DDHD1: variants seen among roughly 807,000 people sequenced by gnomAD.
DDHD1 encodes the protein DDHD domain containing 1.
Under a neutral mutation model 96.4 loss-of-function variants are expected in DDHD1, and 49 were observed. The ratio of observed to expected loss-of-function variants is 0.51; its 90% CI spans 0.40 to 0.64. The LOEUF is 0.64. DDHD1 is among the 30% of genes least tolerant of loss of function. DDHD1 has a pLI of 0.00. For synonymous variants in DDHD1, 442 were observed against 446.5 expected, an observed-to-expected ratio of 0.99 and a Z score of 0.13; for missense variants, 1,106 against 1,161.2, an observed-to-expected ratio of 0.95 and a Z score of 0.69.
intron 1 of DDHD1, among the ~76,000 whole-genome samples, chr14:53,117,045 A>T (rs1273498644): frequency 6.6e-6 from 1 of 152,220 alleles, no homozygotes; most frequent in Non-Finnish European, 1.5e-5. Flanking sequence ...AGAGAGAAGA[A>T]TCAAATAGGC....
chr14:53,089,328 T>G (rs915753809), intron 4 of DDHD1, among the ~76,000 whole-genome samples: 1 of 152,140 alleles, frequency 6.6e-6, no homozygotes, highest in Non-Finnish European at 1.5e-5. Flanking sequence ...AAAGTTCATA[T>G]GGAACCAAAA....
chr14:53,052,933 A>T (rs1218182967), intron 11 of DDHD1: 1 of 151,532 alleles, frequency 6.6e-6, no homozygotes, highest in Non-Finnish European at 1.5e-5. Context: ...CTGGAAGAAA[A>T]AACTGGGGGT....
intron 4 of DDHD1, among the ~76,000 whole-genome samples, chr14:53,090,675 G>C (rs1332015763): frequency 2.6e-5 from 4 of 152,142 alleles, no homozygotes; most frequent in Admixed American, 2.6e-4. Flanking sequence ...ACTGAACAAT[G>C]AGAACACTTG....
At chr14:53,059,735 G>A (rs1412703038) in intron 8 of DDHD1, among the ~76,000 whole-genome samples, 1 of 149,346 alleles carries the variant, frequency 6.7e-6, no homozygotes, top group Non-Finnish European at 1.5e-5. Context: ...GTGGTGGCGG[G>A]CACCTGTAAT....
chr14:53,150,519 C>T (rs919418862), intron 1 of DDHD1, among the ~76,000 whole-genome samples: 3 of 152,172 alleles, frequency 2.0e-5, no homozygotes, highest in Non-Finnish European at 4.4e-5. Flanking sequence ...TGAAGTACCA[C>T]GCAGGCATTA....
At chr14:53,057,969 C>T (rs1021867676) in intron 9 of DDHD1, among the ~76,000 whole-genome samples, 1 of 151,950 alleles carries the variant, frequency 6.6e-6, no homozygotes, top group African/African-American at 2.4e-5. Context: ...ATTGCCTCAG[C>T]CTCCCGAGTA....
At chr14:53,134,859 A>AT (rs1890116928) in intron 1 of DDHD1, among the ~76,000 whole-genome samples, 1 of 151,274 alleles carries the variant, frequency 6.6e-6, no homozygotes, top group African/African-American at 2.5e-5. Flanking sequence ...CTCAATTCAT[A>AT]CAAAACTGCA....
At chr14:53,072,831 G>A in intron 5 of DDHD1, 128 bp from the exon 6 acceptor site, 1 of 489,774 alleles carries the variant, frequency 2.0e-6, no homozygotes, top group Non-Finnish European at 3.6e-6. Context: ...TTCAAGACCA[G>A]CTTTGGCTCT....
chr14:53,087,784 T>G (rs1886102006), intron 4 of DDHD1, among the ~76,000 whole-genome samples: 1 of 152,160 alleles, frequency 6.6e-6, no homozygotes, highest in African/African-American at 2.4e-5. Context: ...ATTCAAAATA[T>G]AGCAGAAGGC....
At chr14:53,150,780 C>A (rs1011203678) in intron 1 of DDHD1, among the ~76,000 whole-genome samples, 1 of 152,124 alleles carries the variant, frequency 6.6e-6, no homozygotes, top group Admixed American at 6.5e-5. Flanking sequence ...TCCTTTTCCC[C>A]ATCTTTCTTA....
At chr14:53,126,005 T>C (rs1360203217) in intron 1 of DDHD1, among the ~76,000 whole-genome samples, 1 of 152,114 alleles carries the variant, frequency 6.6e-6, no homozygotes, top group African/African-American at 2.4e-5. Context: ...CCAGCAAAGA[T>C]GGATTTTTTA....
chr14:53,082,065 T>C (rs908544630), intron 4 of DDHD1, among the ~76,000 whole-genome samples: 9 of 152,152 alleles, frequency 5.9e-5, no homozygotes, highest in African/African-American at 1.9e-4. Flanking sequence ...CAATGGGAGA[T>C]AGAGAAAATG....
chr14:53,152,515 C>G lies in DDHD1; in HGVS notation c.584G>C (p.Arg195Pro). 6.2e-7 allele frequency: 1 copy of G among 1,613,284 alleles called. No homozygotes were observed. Among genetic ancestry groups the G allele is most frequent in the Non-Finnish European group, 8.5e-7 (1 of 1,179,860 alleles). Residue 195 changes from arginine to proline, a missense_variant, in exon 1 of 13, where the codon CGG becomes CCG. By Grantham distance (103) the Arg-to-Pro change is moderately radical. Coordinates refer to ENST00000673822, the MANE Select transcript of DDHD1 (RefSeq NM_001160148.2). ...YDSLRIELAF[R>P]TLLQTTGARP... Reference sequence around the variant, plus strand: ...GGCACCCGTGGTCTGCAGCAGGGTCCGGAAGGCGAGCTCGATGCGGAGCGA... The same window carrying G: ...GGCACCCGTGGTCTGCAGCAGGGTCGGGAAGGCGAGCTCGATGCGGAGCGA...
intron 10 of DDHD1, 70 bp from the exon 11 acceptor site, chr14:53,054,699 A>G: frequency 1.3e-6 from 2 of 1,482,928 alleles, no homozygotes; most frequent in Non-Finnish European, 9.2e-7. Flanking sequence ...AGCACCACCC[A>G]TAATTATAGC....
At chr14:53,125,070 T>C (rs1295059930) in intron 1 of DDHD1, among the ~76,000 whole-genome samples, 1 of 152,206 alleles carries the variant, frequency 6.6e-6, no homozygotes, top group Non-Finnish European at 1.5e-5. Flanking sequence ...GTTTAGGACC[T>C]ACCCTAAATG....
chr14:53,078,316 G>A (rs1885143794), intron 4 of DDHD1, among the ~76,000 whole-genome samples: 1 of 152,124 alleles, frequency 6.6e-6, no homozygotes, highest in African/African-American at 2.4e-5. Flanking sequence ...AGTTATCCTA[G>A]TGGGTATAAA....
At chr14:53,133,027 T>A (rs552349800) in intron 1 of DDHD1, among the ~76,000 whole-genome samples, 77 of 152,344 alleles carry the variant, frequency 5.1e-4, no homozygotes, top group African/African-American at 1.8e-3. Flanking sequence ...CATTCTATTC[T>A]GTCATCATTT....
rs531725727 is a variant in DDHD1 at position 53,066,308 on chromosome 14, C to T, written c.1504-3103G>A. Reference sequence around the variant, plus strand: ...CTGGGATTACAGGTGTGCACCACCACGCCTGGCTAATTTTTGAATTTTTAG... The same window carrying T: ...CTGGGATTACAGGTGTGCACCACCATGCCTGGCTAATTTTTGAATTTTTAG... On this transcript the variant is annotated intron_variant, in intron 6 of 12. Transcript: ENST00000673822. Among the ~76,000 whole-genome samples, 118 of 152,158 alleles carry T rather than the reference C, an allele frequency of 7.8e-4. 2 individuals carry two copies. Among genetic ancestry groups the T allele is most frequent in the Non-Finnish European group, 1.4e-3 (94 of 67,988 alleles).
intron 9 of DDHD1, among the ~76,000 whole-genome samples, chr14:53,057,543 C>T (rs552951614): frequency 1.7e-4 from 26 of 152,312 alleles, no homozygotes; most frequent in Non-Finnish European, 3.2e-4. Flanking sequence ...CTACAAAATA[C>T]ATTCCAATAT....
Sources: allele counts gnomAD v4.1 joint callset (sites outside exome capture counted in the v4.1 genomes callset), GRCh38; gene constraint gnomAD v4.1.1; transcripts MANE v1.5; gene names NCBI Gene and HGNC (gene_info 2026-07-23, HGNC 2026-07-21).